Variants in DHX38 observed in about 807,000 individuals in gnomAD.
The protein encoded by DHX38 is DEAH-box helicase 38.
DHX38 carries 100 observed loss-of-function variants against 153.1 expected under a neutral mutation model. That is an observed-to-expected ratio of 0.65 (90% confidence interval 0.56 to 0.77). DHX38 has a LOEUF of 0.77. Ranked by LOEUF, DHX38 falls within the 30% of genes least tolerant of loss-of-function variation. DHX38 has a pLI of 0.00. For missense variants in DHX38, 1,440 were observed against 1,654.0 expected (o/e 0.87, Z 2.24); for synonymous variants, 650 against 631.7 (o/e 1.03, Z -0.43).
chr16:72,102,984 T>C (rs1346137137), intron 11 of DHX38, 90 bp from the exon 12 acceptor site: 46 of 1,551,322 alleles, frequency 3.0e-5, no homozygotes, highest in Non-Finnish European at 3.9e-5. Flanking sequence ...GAAGTCCTCA[T>C]TCCTGAGCGT....
Position 72,103,139 on chromosome 16 carries a change from A to C in DHX38, c.1565A>C (p.Lys522Thr). 6.2e-7 allele frequency: 1 copy of C among 1,614,252 alleles called. No individual in the cohort carries two copies. Among genetic ancestry groups the C allele is most frequent in the Non-Finnish European group, 8.5e-7 (1 of 1,180,028 alleles). ...GAAGCCAGCAGTGAATTTGCAAAGA[A>C]GAAGTCCATCCTGGAGCAGAGGCAG... ...KSEASSEFAKKKSILEQRQYL... is the reference protein window; with the variant it reads ...KSEASSEFAKTKSILEQRQYL... Residue 522 changes from lysine (K) to threonine (T), a missense_variant, in exon 12 of 27, where the codon AAG becomes ACG. This residue lies in a region of DHX38 where 241 missense variants were observed against 229.5 expected (regional missense o/e 1.05). Transcript: ENST00000268482.
At position 72,099,253 on chromosome 16, in the gene DHX38, G is replaced by A. The variant is rs1416074550; in HGVS notation, c.933G>A (p.Glu311=). The A allele has an allele frequency of 1.2e-6, 2 of 1,612,670 alleles. No individual in the cohort carries two copies. Among genetic ancestry groups the A allele is most frequent in the African/African-American group, 2.7e-5 (2 of 74,900 alleles). The change falls in exon 7 of 27, where the codon GAG becomes GAA. Residue 311 remains glutamate, a synonymous_variant. Transcript: ENST00000268482. ...EEGISFDTEE[E]RQQWEDDQRQ... is the part of the protein sequence containing the mutation. The stretch of plus-strand genomic sequence containing the variant: ...GAATTTCATTTGACACGGAGGAGGA[G>A]CGGCAGCAGTGGGAAGATGACCAGA...
chr16:72,112,803 G>T lies in DHX38; in HGVS notation c.*306G>T. On this transcript the variant is annotated 3_prime_UTR_variant, in exon 27 of 27. Coordinates refer to ENST00000268482, the MANE Select transcript of DHX38 (RefSeq NM_014003.4). ...CACTTGGTGTATGCGTGACTTGGCT[G>T]TGGCTGTCTTTTTTAATCCTTGTGT... 1.4e-6 allele frequency: 1 copy of T among 702,744 alleles called. No homozygotes were observed. The highest frequency in any genetic ancestry group is 2.6e-6 in the Non-Finnish European group (1 of 384,852). The allele number at this position is 702,744 out of a possible 1,614,324, so 43.5% of individuals were successfully genotyped here.
In DHX38 at chr16:72,099,870, C is replaced by T. The variant is rs141665378; in HGVS notation, c.1099C>T (p.Arg367Trp). ...GAAGCAGAAGCGCATTTCAGCTCAG[C>T]GGAGACAGATCAATGAGGTGAGGCT... ...KQKQKRISAQRRQINEDNERW... is the reference protein window; with the variant it reads ...KQKQKRISAQWRQINEDNERW... Residue 367 changes from arginine (R) to tryptophan (W), a missense_variant, in exon 8 of 27, where the codon CGG (arginine) becomes TGG (tryptophan). This residue lies in a region of DHX38 where 77 missense variants were observed against 125.4 expected (regional missense o/e 0.61). Transcript: ENST00000268482. 5.8e-5 allele frequency: 93 copies of T among 1,608,140 alleles called. No homozygotes were observed. The highest frequency in any genetic ancestry group is 7.5e-5 in the Non-Finnish European group (88 of 1,177,122).
intron 1 of DHX38, among the ~76,000 whole-genome samples, chr16:72,095,128 T>C (rs994388117): frequency 6.6e-5 from 10 of 152,278 alleles, no homozygotes; most frequent in African/African-American, 2.4e-4. Flanking sequence ...TTTGCTTTGC[T>C]AACTTGTTGG....
chr16:72,101,208 T>G lies in DHX38; in HGVS notation c.1386+15T>G. On this transcript the variant is annotated intron_variant, in intron 10 of 26. Transcript: ENST00000268482. ...AGCGCAAGAAGGTTGGTTTCTTGGT[T>G]TCGTGGCTGGGAAGTTTATGTGTAT... is the stretch of plus-strand genomic sequence containing the variant. 6.2e-7 allele frequency: 1 copy of G among 1,613,780 alleles called. No homozygotes were observed. Among genetic ancestry groups the G allele is most frequent in the Non-Finnish European group, 8.5e-7 (1 of 1,179,766 alleles).
chr16:72,096,614 G>C, intron 2 of DHX38, 134 bp downstream of exon 2: 1 of 1,476,172 alleles, frequency 6.8e-7, no homozygotes, highest in Non-Finnish European at 8.9e-7. Context: ...TAATACTGAA[G>C]GTAGGTAGGA....
chr16:72,105,883 T>C lies in DHX38; in HGVS notation c.2488-122T>C, dbSNP rs973126085. ...ACTTCTTCAGGTGTTCATGAGAACA[T>C]TTCTAGAGCCTCCTGGCTCTTCCTC... On this transcript the variant is annotated intron_variant, in intron 18 of 26. Coordinates refer to ENST00000268482, the MANE Select transcript of DHX38 (RefSeq NM_014003.4). 1.0e-5 allele frequency: 9 copies of C among 899,938 alleles called. No individual in the cohort carries two copies. In the Admixed American group the frequency reaches 1.7e-4, roughly 17 times the overall value. 55.7% of individuals were successfully genotyped at this position (899,938 alleles called of 1,614,324 possible).
At chr16:72,096,067 A>G (rs879102386) in intron 1 of DHX38, 72 bp from the exon 2 acceptor site, 3 of 1,463,884 alleles carry the variant, frequency 2.0e-6, no homozygotes, top group Non-Finnish European at 1.8e-6. Context: ...ACATATAACC[A>G]TAACTGCATT....
intron 26 of DHX38, among the ~76,000 whole-genome samples, chr16:72,111,637 A>G (rs761033792): frequency 4.6e-5 from 7 of 152,202 alleles, no homozygotes; most frequent in Admixed American, 6.5e-5. Context: ...CCAAAAGGAG[A>G]GATGCATAGA....
Position 72,104,533 on chromosome 16 carries a change from G to C in DHX38, c.2058G>C (p.Thr686=), listed in dbSNP as rs1051013828. The change falls in exon 15 of 27, where the codon ACG becomes ACC. Residue 686 remains threonine (T), a synonymous_variant. Coordinates refer to ENST00000268482, the MANE Select transcript of DHX38 (RefSeq NM_014003.4). This position sits in a 1 kb window ranked among gnomAD's most constrained non-coding sequence, Gnocchi z 4.5. ...TGAAGCTCATCGTCACATCAGCCACGATGGATGCGGAGAAGTTTGCTGCCT... is the reference window on the plus strand; with the variant it reads ...TGAAGCTCATCGTCACATCAGCCACCATGGATGCGGAGAAGTTTGCTGCCT... ...SDLKLIVTSA[T]MDAEKFAAFF... The C allele has an allele frequency of 5.0e-6, 8 of 1,614,046 alleles. No homozygotes were observed. The African/African-American group carries it at 8.0e-5, about 16-fold the overall frequency.
chr16:72,095,520 A>G (rs760039321), intron 1 of DHX38, among the ~76,000 whole-genome samples: 5 of 152,228 alleles, frequency 3.3e-5, no homozygotes, highest in Non-Finnish European at 5.9e-5. Flanking sequence ...AGTATATAGG[A>G]GGATAGCAAA....
At chr16:72,100,987 C>T in intron 9 of DHX38, 99 bp from the exon 10 acceptor site, 2 of 1,181,474 alleles carry the variant, frequency 1.7e-6, no homozygotes, top group South Asian at 1.3e-5. Context: ...TAGCCCTGTA[C>T]CATGAGAGGG....
In DHX38 at chr16:72,107,898, G is replaced by A; in HGVS notation, c.2964+99G>A. 6.8e-7 allele frequency: 1 copy of A among 1,460,186 alleles called. No individual in the cohort carries two copies. The highest frequency in any genetic ancestry group is 9.2e-7 in the Non-Finnish European group (1 of 1,089,174). 90.5% of individuals were successfully genotyped at this position (1,460,186 alleles called of 1,614,324 possible). On this transcript the variant is annotated intron_variant, in intron 21 of 26. Transcript: ENST00000268482. This position sits in a 1 kb window ranked among gnomAD's most constrained non-coding sequence, Gnocchi z 5.3. ...TATTACTGAAATGGAACAGAGGGCA[G>A]AATCAGAGTTTCTGAAGAATGATTT...
rs760630819 is a variant in DHX38, at chr16:72,112,892, TTTA to T, written c.*401_*403del. The T allele has an allele frequency of 8.6e-6, 6 of 695,544 alleles. No homozygotes were observed. Among genetic ancestry groups the T allele is most frequent in the South Asian group, 7.5e-5 (5 of 66,880 alleles). The allele number at this position is 695,544 out of a possible 1,614,324, so 43.1% of individuals were successfully genotyped here. On this transcript the variant is annotated 3_prime_UTR_variant, in exon 27 of 27. Transcript: ENST00000268482. The stretch of plus-strand genomic sequence containing the variant: ...TTATAATTCAGGATTTGGAAATAAA[TTTA>T]TTATTTGTAAAACATGACTGCATGT...
Position 72,101,552 on chromosome 16 carries a change from G to C in DHX38, c.1439G>C (p.Gly480Ala). Residue 480 changes from glycine (G) to alanine (A), a missense_variant, in exon 11 of 27, where the codon GGC (glycine) becomes GCC (alanine). This residue lies in a region of DHX38 where 241 missense variants were observed against 229.5 expected (regional missense o/e 1.05). Coordinates refer to ENST00000268482, the MANE Select transcript of DHX38 (RefSeq NM_014003.4). Reference sequence around the variant, plus strand: ...GGGACCAAACTGGGAGATATAATGGGCGTCAAGAAGGAGGAAGAGCCAGAT... The same window carrying C: ...GGGACCAAACTGGGAGATATAATGGCCGTCAAGAAGGAGGAAGAGCCAGAT... The part of the protein sequence containing the change: ...LAGTKLGDIM[G>A]VKKEEEPDKA... 1 of 1,552,192 alleles carries C rather than the reference G, an allele frequency of 6.4e-7. No individual in the cohort carries two copies. The highest frequency in any genetic ancestry group is 8.7e-7 in the Non-Finnish European group (1 of 1,147,252).
Position 72,105,222 on chromosome 16 carries a change from G to C in DHX38, c.2263-10G>C, listed in dbSNP as rs2042158230. 1 of 1,614,008 alleles carries C rather than the reference G, an allele frequency of 6.2e-7. No homozygotes were observed. Among genetic ancestry groups the C allele is most frequent in the African/African-American group, 1.3e-5 (1 of 75,028 alleles). On this transcript the variant is annotated splice_polypyrimidine_tract_variant and intron_variant, in intron 16 of 26. Coordinates refer to ENST00000268482, the MANE Select transcript of DHX38 (RefSeq NM_014003.4). ...TTCCAGTGTCTCACAGCTCCTCCCTGGGCTCTCAGGTGACCTCAGACCAGA... is the reference window on the plus strand; with the variant it reads ...TTCCAGTGTCTCACAGCTCCTCCCTCGGCTCTCAGGTGACCTCAGACCAGA...
At chr16:72,105,458 C>T (rs565970220) in intron 17 of DHX38, 59 bp from the exon 18 acceptor site, 12 of 1,605,718 alleles carry the variant, frequency 7.5e-6, no homozygotes, top group Admixed American at 5.0e-5. Context: ...TTTTCCCCCT[C>T]GCGGAGCCTT....
rs768203956 is a variant in DHX38, at chr16:72,107,313, G to A, written c.2601-27G>A. The A allele has an allele frequency of 6.3e-7, 1 of 1,589,234 alleles. No homozygotes were observed. The highest frequency in any genetic ancestry group is 8.5e-7 in the Non-Finnish European group (1 of 1,172,218). ...GGCTGCTGTGGGGTTTCCTTGTGGT[G>A]AGAAGATGGGGTCTTCTCCCCGGCA... On this transcript the variant is annotated intron_variant, in intron 19 of 26. Coordinates refer to ENST00000268482, the MANE Select transcript of DHX38 (RefSeq NM_014003.4). The surrounding 1 kb of genome is among the most constrained non-coding windows in gnomAD (Gnocchi z 5.3).
Sources: allele counts gnomAD v4.1 joint callset (sites outside exome capture counted in the v4.1 genomes callset), GRCh38; gene constraint gnomAD v4.1.1; regional missense constraint gnomAD v4.1.1; non-coding constraint Gnocchi (gnomAD v3.1); transcripts MANE v1.5; gene names NCBI Gene and HGNC (gene_info 2026-07-23, HGNC 2026-07-21).